The following ADAMTS6 variants were observed in gnomAD, a reference collection of about 807,000 sequenced individuals.
The protein encoded by ADAMTS6 is A disintegrin and metalloproteinase with thrombospondin motifs 6.
A neutral mutation model predicts 144.3 loss-of-function variants in ADAMTS6; 23 were observed. That is an observed-to-expected ratio of 0.16 (90% CI 0.11 to 0.23). ADAMTS6 has a LOEUF of 0.23. Among genes scored for constraint, ADAMTS6 ranks in the 10% least tolerant of loss-of-function variants. The pLI, the probability that ADAMTS6 is intolerant of heterozygous loss-of-function variation, is 1.00. For missense variants in ADAMTS6, 999 were observed against 1,379.6 expected (o/e 0.72, Z 4.37); for synonymous variants, 444 against 457.5 (o/e 0.97, Z 0.38).
chr5:65,285,835 AT>A (rs1763321395), intron 11 of ADAMTS6, among the ~76,000 whole-genome samples: 1 of 152,192 alleles, frequency 6.6e-6, no homozygotes, highest in South Asian at 2.1e-4. Context: ...AAGCAACATG[AT>A]TATGGATTTC....
intron 11 of ADAMTS6, among the ~76,000 whole-genome samples, chr5:65,275,363 GAA>G (rs1403014992): frequency 9.4e-5 from 6 of 64,010 alleles, no homozygotes; most frequent in South Asian, 4.8e-4. Flanking sequence ...GAGAAAGAAA[GAA>G]AGAAAGAAAG....
At chr5:65,339,424 C>A (rs966805270) in intron 7 of ADAMTS6, among the ~76,000 whole-genome samples, 3 of 135,618 alleles carry the variant, frequency 2.2e-5, no homozygotes, top group African/African-American at 2.9e-5. Flanking sequence ...GCACAGAAAT[C>A]AATATGGGAA....
chr5:65,277,549 A>C (rs1580272060), intron 11 of ADAMTS6, among the ~76,000 whole-genome samples: 1 of 150,158 alleles, frequency 6.7e-6, no homozygotes, highest in Non-Finnish European at 1.5e-5. Context: ...TAGCCACCAT[A>C]CCAAGACTGG....
intron 24 of ADAMTS6, among the ~76,000 whole-genome samples, chr5:65,158,808 A>G (rs1028482342): frequency 2.0e-5 from 3 of 152,000 alleles, no homozygotes; most frequent in East Asian, 1.9e-4. Context: ...AGCAAATTGT[A>G]TCTCCCTTCT....
chr5:65,348,175 C>A (rs1748522389), intron 7 of ADAMTS6, among the ~76,000 whole-genome samples: 1 of 151,984 alleles, frequency 6.6e-6, no homozygotes, highest in Non-Finnish European at 1.5e-5. Flanking sequence ...AGTACATATC[C>A]AAAGTCAGTA....
intron 7 of ADAMTS6, among the ~76,000 whole-genome samples, chr5:65,444,300 G>C (rs1758098819): frequency 6.6e-6 from 1 of 152,156 alleles, no homozygotes; most frequent in African/African-American, 2.4e-5. Context: ...GCGGAGGCAG[G>C]AGAATCACAA....
intron 12 of ADAMTS6, among the ~76,000 whole-genome samples, chr5:65,269,832 C>A (rs1158423413): frequency 1.4e-5 from 2 of 144,022 alleles, no homozygotes; most frequent in Non-Finnish European, 3.0e-5. Context: ...TGCTCTGTTG[C>A]CCAGGCTGGA....
intron 9 of ADAMTS6, among the ~76,000 whole-genome samples, chr5:65,315,095 T>C (rs1744864012): frequency 6.6e-6 from 1 of 152,058 alleles, no homozygotes; most frequent in Non-Finnish European, 1.5e-5. Context: ...CTATTTAAAG[T>C]AATAATAGTA....
At chr5:65,207,437 T>C (rs1756183853) in intron 20 of ADAMTS6, among the ~76,000 whole-genome samples, 1 of 152,190 alleles carries the variant, frequency 6.6e-6, no homozygotes, top group South Asian at 2.1e-4. Context: ...TAAGGTTTAT[T>C]TTCTAACAGA....
intron 7 of ADAMTS6, among the ~76,000 whole-genome samples, chr5:65,365,881 T>C (rs1301670008): frequency 2.0e-5 from 3 of 152,152 alleles, no homozygotes; most frequent in Non-Finnish European, 4.4e-5. Context: ...CTTGAGTACA[T>C]GCTTTTCAGC....
At chr5:65,309,451 C>T (rs1271764122) in intron 9 of ADAMTS6, among the ~76,000 whole-genome samples, 1 of 74,908 alleles carries the variant, frequency 1.3e-5, no homozygotes, top group Non-Finnish European at 2.4e-5. Context: ...GTAATGTGGG[C>T]AATGTGGCAG....
intron 7 of ADAMTS6, among the ~76,000 whole-genome samples, chr5:65,414,282 T>C (rs1755309944): frequency 6.6e-6 from 1 of 152,218 alleles, no homozygotes; most frequent in African/African-American, 2.4e-5. Flanking sequence ...TTTCATTGTT[T>C]ATTTTTTATT....
At chr5:65,234,209 C>G (rs993337429) in intron 15 of ADAMTS6, among the ~76,000 whole-genome samples, 2 of 151,596 alleles carry the variant, frequency 1.3e-5, no homozygotes, top group African/African-American at 4.8e-5. Context: ...AAAGCTCCAG[C>G]ACAATGGTCT....
chr5:65,169,871 C>G (rs1259242383), intron 24 of ADAMTS6, among the ~76,000 whole-genome samples: 1 of 124,782 alleles, frequency 8.0e-6, no homozygotes, highest in Non-Finnish European at 1.6e-5. Context: ...GAATATCACA[C>G]TCTGGGGACT....
intron 8 of ADAMTS6, 93 bp from the exon 9 acceptor site, chr5:65,329,576 C>T: frequency 9.5e-7 from 1 of 1,055,274 alleles, no homozygotes; most frequent in Non-Finnish European, 1.3e-6. Flanking sequence ...TTTTTAATAA[C>T]CTCCATGCAC....
At chr5:65,244,254 G>C (rs1196287654) in intron 14 of ADAMTS6, among the ~76,000 whole-genome samples, 2 of 151,974 alleles carry the variant, frequency 1.3e-5, no homozygotes, top group Non-Finnish European at 2.9e-5. Flanking sequence ...AAAAGGCCAA[G>C]CTAGATGAAA....
chr5:65,239,324 T>C (rs1758967554), intron 15 of ADAMTS6, among the ~76,000 whole-genome samples: 1 of 149,830 alleles, frequency 6.7e-6, no homozygotes, highest in African/African-American at 2.4e-5. Flanking sequence ...GTCAGTGTAG[T>C]ACTGGCACAG....
chr5:65,170,438 T>G (rs1753545659), intron 24 of ADAMTS6, among the ~76,000 whole-genome samples, 179 bp downstream of exon 24: 1 of 152,210 alleles, frequency 6.6e-6, no homozygotes, highest in African/African-American at 2.4e-5. Context: ...GGTCATAAAG[T>G]TACTTAAAAA....
chr5:65,480,629 A>C (rs1761136528), intron 1 of ADAMTS6, among the ~76,000 whole-genome samples: 1 of 152,154 alleles, frequency 6.6e-6, no homozygotes, highest in African/African-American at 2.4e-5. Flanking sequence ...ATATTATCAG[A>C]AAGAGGCTTC....
Sources: allele counts gnomAD v4.1 joint callset (sites outside exome capture counted in the v4.1 genomes callset), GRCh38; gene constraint gnomAD v4.1.1; transcripts MANE v1.5; gene names NCBI Gene and HGNC (gene_info 2026-07-23, HGNC 2026-07-21).